PLXDC2: variants seen among roughly 807,000 people sequenced by gnomAD.
PLXDC2 encodes the protein plexin domain containing 2.
In PLXDC2, 40 loss-of-function variants were observed where a neutral mutation model predicts 68.9. The ratio of observed to expected loss-of-function variants is 0.58; its 90% CI spans 0.45 to 0.76. PLXDC2 has a LOEUF of 0.76. PLXDC2 is among the 30% of genes least tolerant of loss of function. PLXDC2 has a pLI of 0.00. For missense variants in PLXDC2, 644 were observed against 661.9 expected (o/e 0.97, Z 0.30); for synonymous variants, 243 against 234.2 (o/e 1.04, Z -0.34).
chr10:19,980,463 G>T (rs999063845), intron 1 of PLXDC2, among the ~76,000 whole-genome samples: 10 of 152,236 alleles, frequency 6.6e-5, no homozygotes, highest in African/African-American at 1.7e-4. Flanking sequence ...AGTTCTGAAG[G>T]CAACAAGTCC....
At chr10:20,098,246 C>T (rs1833376843) in intron 4 of PLXDC2, among the ~76,000 whole-genome samples, 1 of 151,958 alleles carries the variant, frequency 6.6e-6, no homozygotes, top group South Asian at 2.1e-4. Flanking sequence ...AAAATGTGTT[C>T]CTTGCCTCTT....
chr10:19,962,503 G>C (rs1199095123), intron 1 of PLXDC2, among the ~76,000 whole-genome samples: 1 of 141,464 alleles, frequency 7.1e-6, no homozygotes, highest in Admixed American at 7.5e-5. Flanking sequence ...CCATTCTCCC[G>C]CCTCAGCCTC....
At chr10:20,032,919 T>C (rs1333173808) in intron 2 of PLXDC2, among the ~76,000 whole-genome samples, 4 of 151,628 alleles carry the variant, frequency 2.6e-5, no homozygotes, top group Non-Finnish European at 5.9e-5. Flanking sequence ...TGATTAATCA[T>C]TTTCTTAGTT....
intron 1 of PLXDC2, among the ~76,000 whole-genome samples, chr10:19,941,870 C>T (rs921592803): frequency 8.6e-5 from 13 of 151,486 alleles, no homozygotes; most frequent in Admixed American, 2.6e-4. Flanking sequence ...TTTATCTCAG[C>T]GAGCTATTCA....
Position 19,817,175 on chromosome 10 carries a change from C to G in PLXDC2, c.96C>G (p.Pro32=), listed in dbSNP as rs1358832487. The G allele has an allele frequency of 6.4e-6, 10 of 1,570,694 alleles. No homozygotes were observed. Among genetic ancestry groups the G allele is most frequent in the Non-Finnish European group, 8.7e-6 (10 of 1,154,928 alleles). The change falls in exon 1 of 14, where the codon CCC becomes CCG. Residue 32 remains proline (P), a synonymous_variant. Coordinates refer to ENST00000377252, the MANE Select transcript of PLXDC2 (RefSeq NM_032812.9). ...TDQFQFADGK[P]GDQILDWQYG... ...AGTTTCAGTTCGCCGATGGGAAACC[C>G]GGAGACCAAATCCTTGGTAAGTAAG...
intron 4 of PLXDC2, among the ~76,000 whole-genome samples, chr10:20,105,263 C>T (rs1833477083): frequency 6.6e-6 from 1 of 152,054 alleles, no homozygotes; most frequent in African/African-American, 2.4e-5. Flanking sequence ...TTTACATGTA[C>T]CACAAATATT....
In PLXDC2 at chr10:20,283,542, C is replaced by A. The variant is rs1252086535; in HGVS notation, c.*3723C>A. On this transcript the variant is annotated 3_prime_UTR_variant, in exon 14 of 14. Coordinates refer to ENST00000377252, the MANE Select transcript of PLXDC2 (RefSeq NM_032812.9). ...AAGAGAATGCATTCAAAACACAAAG[C>A]AAAATTGCTTCAGTTTCTTTTCTGC... 6.6e-6 allele frequency: 1 copy of A among 152,174 alleles called. No homozygotes were observed. Among genetic ancestry groups the A allele is most frequent in the Admixed American group, 6.5e-5 (1 of 15,280 alleles). The allele number at this position is 152,174 out of a possible 1,614,324, so 9.4% of individuals were successfully genotyped here. A position where few individuals can be genotyped will look rare whatever the true frequency, so the allele number is the denominator to read the frequency against.
intron 1 of PLXDC2, among the ~76,000 whole-genome samples, chr10:19,915,047 T>C (rs111924526): frequency 0.017 from 2,570 of 152,262 alleles, 31 homozygotes; most frequent in Non-Finnish European, 0.029. Context: ...TATTGATGAG[T>C]CATTTTTTTT....
chr10:19,987,437 T>A (rs540747274), intron 1 of PLXDC2, among the ~76,000 whole-genome samples: 21 of 152,344 alleles, frequency 1.4e-4, no homozygotes, highest in African/African-American at 4.8e-4. Flanking sequence ...CTTTCTTTAG[T>A]CCAGAGTGTC....
intron 13 of PLXDC2, among the ~76,000 whole-genome samples, chr10:20,247,336 G>T (rs952519644): frequency 3.3e-5 from 5 of 151,928 alleles, no homozygotes; most frequent in African/African-American, 1.2e-4. Context: ...AATGAATGGG[G>T]CATGGTGGCA....
chr10:19,820,937 G>A (rs1260110728), intron 1 of PLXDC2, among the ~76,000 whole-genome samples: 1 of 152,096 alleles, frequency 6.6e-6, no homozygotes, highest in Non-Finnish European at 1.5e-5. Context: ...AATTAGCCGT[G>A]TGTGGTGGTA....
intron 2 of PLXDC2, among the ~76,000 whole-genome samples, chr10:20,008,862 G>A (rs993849009): frequency 2.6e-5 from 4 of 152,114 alleles, no homozygotes; most frequent in Non-Finnish European, 5.9e-5. Context: ...CCTGCCTGTC[G>A]CCATGCAAGA....
chr10:20,212,787 T>C (rs888490913), intron 10 of PLXDC2, among the ~76,000 whole-genome samples: 1 of 152,162 alleles, frequency 6.6e-6, no homozygotes, highest in African/African-American at 2.4e-5. Context: ...ATTTAGGGAA[T>C]GACAGCAGTG....
intron 1 of PLXDC2, among the ~76,000 whole-genome samples, chr10:19,847,078 C>G (rs1305444791): frequency 6.6e-6 from 1 of 152,158 alleles, no homozygotes; most frequent in East Asian, 1.9e-4. Flanking sequence ...GTCCCTCCCA[C>G]AACACTTGGG....
chr10:19,962,688 C>T (rs1216501790), intron 1 of PLXDC2, among the ~76,000 whole-genome samples: 1 of 148,150 alleles, frequency 6.7e-6, no homozygotes, highest in Non-Finnish European at 1.5e-5. Context: ...CCGCGCCCGG[C>T]TCAGCCATCT....
intron 1 of PLXDC2, among the ~76,000 whole-genome samples, chr10:19,908,731 C>CCACACAGCAGTTCTTGAGACTACAT (rs541647044): frequency 2.0e-5 from 3 of 151,972 alleles, no homozygotes; most frequent in South Asian, 2.1e-4. Context: ...CTCATTTATT[C>CCACACAGCAGTTCTTGAGACTACAT]CACACAGCAG....
At chr10:20,208,676 A>T (rs1361994517) in intron 9 of PLXDC2, among the ~76,000 whole-genome samples, 1 of 152,178 alleles carries the variant, frequency 6.6e-6, no homozygotes, top group African/African-American at 2.4e-5. Context: ...CTAGCTTTCA[A>T]ACGTTCTCAA....
chr10:20,198,575 C>T (rs1834873354), intron 9 of PLXDC2, among the ~76,000 whole-genome samples: 1 of 152,034 alleles, frequency 6.6e-6, no homozygotes, highest in South Asian at 2.1e-4. Context: ...CAAAAATTTA[C>T]CCAACTCTGG....
chr10:19,970,799 T>G (rs1391184662), intron 1 of PLXDC2, among the ~76,000 whole-genome samples: 1 of 152,148 alleles, frequency 6.6e-6, no homozygotes, highest in Non-Finnish European at 1.5e-5. Flanking sequence ...CTCCATTGGT[T>G]CAAGAACTAG....
Sources: allele counts gnomAD v4.1 joint callset (sites outside exome capture counted in the v4.1 genomes callset), GRCh38; gene constraint gnomAD v4.1.1; transcripts MANE v1.5; gene names NCBI Gene and HGNC (gene_info 2026-07-23, HGNC 2026-07-21).